The following DCC variants were observed in gnomAD, a reference collection of about 807,000 sequenced individuals.
DCC encodes the protein netrin receptor DCC.
A neutral mutation model predicts 172.5 loss-of-function variants in DCC; 58 were observed. That is an observed-to-expected ratio of 0.34 (90% CI 0.27 to 0.42). DCC has a LOEUF of 0.42. Among genes scored for constraint, DCC ranks in the 10% least tolerant of loss-of-function variants. The pLI is 1.00. For missense variants in DCC, 1,740 were observed against 1,791.0 expected (o/e 0.97, Z 0.51); for synonymous variants, 709 against 644.5 (o/e 1.10, Z -1.52).
intron 1 of DCC, among the ~76,000 whole-genome samples, chr18:52,698,189 GT>G (rs1232192382): frequency 6.6e-6 from 1 of 152,156 alleles, no homozygotes; most frequent in Admixed American, 6.5e-5. Context: ...GAGGTAGGAA[GT>G]ATTCCTCCAC....
intron 16 of DCC, among the ~76,000 whole-genome samples, chr18:53,386,628 T>C (rs1328376559): frequency 6.6e-6 from 1 of 152,114 alleles, no homozygotes; most frequent in African/African-American, 2.4e-5. Flanking sequence ...GAGTGACATA[T>C]GTGGTATCTT....
chr18:53,214,205 T>A (rs997518698), intron 11 of DCC, among the ~76,000 whole-genome samples: 4 of 152,056 alleles, frequency 2.6e-5, no homozygotes, highest in African/African-American at 4.8e-5. Context: ...AACAAGCAGA[T>A]GAGCATTTTG....
intron 5 of DCC, among the ~76,000 whole-genome samples, chr18:52,968,398 G>A (rs549388342): frequency 6.6e-6 from 1 of 152,248 alleles, no homozygotes; most frequent in East Asian, 1.9e-4. Flanking sequence ...CAGGAAAGAG[G>A]CTTGTCACAG....
intron 24 of DCC, among the ~76,000 whole-genome samples, chr18:53,464,059 A>G (rs899669995): frequency 3.3e-5 from 5 of 152,228 alleles, no homozygotes; most frequent in African/African-American, 1.2e-4. Context: ...AATTAAGATG[A>G]TAAGTTATTG....
chr18:53,029,165 G>A (rs976995961), intron 5 of DCC, among the ~76,000 whole-genome samples: 1 of 151,818 alleles, frequency 6.6e-6, no homozygotes, highest in Admixed American at 6.6e-5. Context: ...ACAAAGAAGT[G>A]AACTAAAAAT....
chr18:52,697,148 C>T (rs2036025834), intron 1 of DCC, among the ~76,000 whole-genome samples: 1 of 152,086 alleles, frequency 6.6e-6, no homozygotes. Context: ...TGGAATATTT[C>T]CACTTAGAAA....
At chr18:53,031,612 G>A (rs960371216) in intron 5 of DCC, among the ~76,000 whole-genome samples, 2 of 151,904 alleles carry the variant, frequency 1.3e-5, no homozygotes, top group Admixed American at 6.6e-5. Flanking sequence ...AAAGGAAAGG[G>A]AGATTAATAG....
chr18:53,257,437 G>C (rs1013502714), intron 12 of DCC, among the ~76,000 whole-genome samples: 1 of 152,118 alleles, frequency 6.6e-6, no homozygotes, highest in African/African-American at 2.4e-5. Flanking sequence ...GTTGAATTTT[G>C]TCAAAGGCCT....
intron 15 of DCC, among the ~76,000 whole-genome samples, chr18:53,349,995 A>G (rs1361481207): frequency 6.6e-6 from 1 of 152,216 alleles, no homozygotes; most frequent in African/African-American, 2.4e-5. Context: ...TAATCATTTT[A>G]TAAAGTATAG....
chr18:52,520,945 C>T (rs555108798), intron 1 of DCC, among the ~76,000 whole-genome samples: 2 of 152,016 alleles, frequency 1.3e-5, no homozygotes, highest in African/African-American at 4.8e-5. Context: ...CATATACTGT[C>T]CTGACAAGTA....
rs184564466 is a variant in DCC, at chr18:52,918,797, G to A, written c.698-4910G>A. On this transcript the variant is annotated intron_variant, in intron 3 of 28. Transcript: ENST00000442544. ...AATAATATTTCTGTAGAACATTTCA[G>A]CAGTGCAAAAACAAACTAAAAATCA... Among the ~76,000 whole-genome samples the A allele has an allele frequency of 3.9e-5, 6 of 152,176 alleles. No individual in the cohort carries two copies. The East Asian group carries it at 7.7e-4, about 20-fold the overall frequency.
Position 52,770,308 on chromosome 18 carries a change from C to T in DCC, c.412+17934C>T, listed in dbSNP as rs186386009. 3.9e-3 allele frequency among the ~76,000 whole-genome samples: 591 copies of T among 152,256 alleles called. 7 individuals carry two copies. The highest frequency in any genetic ancestry group is 3.3e-3 in the South Asian group (16 of 4,820). On this transcript the variant is annotated intron_variant, in intron 2 of 28. Coordinates refer to ENST00000442544, the MANE Select transcript of DCC (RefSeq NM_005215.4). ...GGAGTAATTTCGTGGAAATCCTAAA[C>T]GCAGCTGCCTTTGGTTTAGCTCATT...
intron 1 of DCC, among the ~76,000 whole-genome samples, chr18:52,697,858 T>A (rs1403960133): frequency 2.6e-5 from 4 of 152,208 alleles, no homozygotes; most frequent in Admixed American, 2.6e-4. Context: ...AGAATCTATT[T>A]TGGATTTAAC....
intron 8 of DCC, among the ~76,000 whole-genome samples, chr18:53,175,073 A>G (rs1390928762): frequency 6.6e-6 from 1 of 151,994 alleles, no homozygotes; most frequent in Non-Finnish European, 1.5e-5. Context: ...CAAAGACAAA[A>G]ACCACATGAT....
chr18:53,397,787 A>G (rs948967950), intron 18 of DCC, among the ~76,000 whole-genome samples: 3 of 152,198 alleles, frequency 2.0e-5, no homozygotes, highest in African/African-American at 7.2e-5. Context: ...GTGTCTTTGA[A>G]CAATTGTCAT....
chr18:52,953,271 A>G (rs2040688728), intron 5 of DCC, among the ~76,000 whole-genome samples: 1 of 152,206 alleles, frequency 6.6e-6, no homozygotes, highest in South Asian at 2.1e-4. Flanking sequence ...AAGTCTTACC[A>G]AGACATACAG....
chr18:52,942,703 A>G (rs2040482764), intron 5 of DCC, among the ~76,000 whole-genome samples: 1 of 152,232 alleles, frequency 6.6e-6, no homozygotes, highest in South Asian at 2.1e-4. Context: ...AACCTCCTCC[A>G]TGATTCAAAT....
chr18:53,467,879 G>T lies in DCC; in HGVS notation c.3620-15G>T, dbSNP rs377485005. The T allele has an allele frequency of 1.5e-6, 2 of 1,296,430 alleles. No individual in the cohort carries two copies. The highest frequency in any genetic ancestry group is 2.2e-6 in the Non-Finnish European group (2 of 889,762). 80.3% of individuals were successfully genotyped at this position (1,296,430 alleles called of 1,614,324 possible). On this transcript the variant is annotated splice_polypyrimidine_tract_variant and intron_variant, in intron 24 of 28. Transcript: ENST00000442544. ...CTTGAAGAGGGCATGTTTCTCAGGA[G>T]TGTGTATTTTTTAGGTCAAGACACT...
rs59898050 is a variant in DCC, at chr18:53,090,698, CAAAAAAAAAAAAAAAAAAAAAAAAAA to C, written c.1261+24543_1261+24568del. Among the ~76,000 whole-genome samples the C allele has an allele frequency of 7.7e-3, 304 of 39,388 alleles. 7 individuals carry two copies. The highest frequency in any genetic ancestry group is 0.023 in the African/African-American group (285 of 12,486). 25.8% of individuals were successfully genotyped at this position (39,388 alleles called of 152,430 possible). A position where few individuals can be genotyped will look rare whatever the true frequency, so the allele number is the denominator to read the frequency against. On this transcript the variant is annotated intron_variant, in intron 7 of 28. Transcript: ENST00000442544. ...GACAGAGCGAAACTCCGTCCCCCAA[CAAAAAAAAAAAAAAAAAAAAAAAAAA>C]AAAAAAAAAAGAATGTATCGTGTTT...
Sources: allele counts gnomAD v4.1 joint callset (sites outside exome capture counted in the v4.1 genomes callset), GRCh38; gene constraint gnomAD v4.1.1; transcripts MANE v1.5; gene names NCBI Gene and HGNC (gene_info 2026-07-23, HGNC 2026-07-21).